PRKG1: variants seen among roughly 807,000 people sequenced by gnomAD.
PRKG1 encodes the protein cGMP-dependent protein kinase 1.
In PRKG1, 35 loss-of-function variants were observed where a neutral mutation model predicts 88.1. The ratio of observed to expected loss-of-function variants is 0.40; its 90% CI spans 0.30 to 0.53. PRKG1 has a LOEUF of 0.53. Ranked by LOEUF, PRKG1 falls within the 20% of genes least tolerant of loss-of-function variation. The pLI, the probability that PRKG1 is intolerant of heterozygous loss-of-function variation, is 0.59. For missense variants in PRKG1, 540 were observed against 839.8 expected, an observed-to-expected ratio of 0.64 and a Z score of 4.41; for synonymous variants, 303 against 292.5, an observed-to-expected ratio of 1.04 and a Z score of -0.37.
chr10:52,178,526 A>G (rs914895126), intron 9 of PRKG1, among the ~76,000 whole-genome samples: 30 of 151,988 alleles, frequency 2.0e-4, no homozygotes, highest in Non-Finnish European at 3.5e-4. Flanking sequence ...TCGATGGTGT[A>G]CTTTAAATCT....
intron 2 of PRKG1, among the ~76,000 whole-genome samples, chr10:51,211,942 TC>T (rs1297465944): frequency 6.6e-6 from 1 of 152,228 alleles, no homozygotes; most frequent in Non-Finnish European, 1.5e-5. Flanking sequence ...ACAATGACTT[TC>T]TTCACAGAAT....
At chr10:51,472,122 T>C (rs1276698575) in intron 3 of PRKG1, among the ~76,000 whole-genome samples, 1 of 151,898 alleles carries the variant, frequency 6.6e-6, no homozygotes, top group Non-Finnish European at 1.5e-5. Context: ...TAAGTTTACA[T>C]ACTTAAACTT....
chr10:51,055,577 CA>C (rs1006560670), intron 1 of PRKG1, among the ~76,000 whole-genome samples: 120 of 138,456 alleles, frequency 8.7e-4, no homozygotes, highest in Non-Finnish European at 8.2e-4. Flanking sequence ...ACTAAAAATA[CA>C]AAAAAAAAAA....
At chr10:51,572,558 A>G (rs535682581) in intron 3 of PRKG1, among the ~76,000 whole-genome samples, 2 of 152,054 alleles carry the variant, frequency 1.3e-5, no homozygotes, top group Admixed American at 1.3e-4. Flanking sequence ...GGATTAATTC[A>G]GTGATTCTAT....
At chr10:51,689,633 A>G (rs986649620) in intron 3 of PRKG1, among the ~76,000 whole-genome samples, 27 of 152,204 alleles carry the variant, frequency 1.8e-4, no homozygotes, top group Non-Finnish European at 2.1e-4. Context: ...CAAGATTATG[A>G]GAGAGAATTG....
chr10:51,910,162 G>A (rs1196353809), intron 5 of PRKG1: 2 of 152,258 alleles, frequency 1.3e-5, no homozygotes, highest in East Asian at 3.9e-4. Flanking sequence ...TGCAATAGGG[G>A]AAGGAGAATT....
intron 16 of PRKG1, among the ~76,000 whole-genome samples, chr10:52,290,005 A>G (rs1465809071): frequency 6.6e-6 from 1 of 152,218 alleles, no homozygotes; most frequent in Non-Finnish European, 1.5e-5. Context: ...TAAGTGTTGC[A>G]TGTTAATTGG....
rs190204473 is a variant in PRKG1 at position 52,003,196 on chromosome 10, C to A, written c.763-51288C>A. On this transcript the variant is annotated intron_variant, in intron 5 of 17. Transcript: ENST00000373980. ...TTTAAGAGATAGGATCTTGGCTGTG[C>A]CACTAATTAACTGGTGCCCTTAAGA... Among the ~76,000 whole-genome samples, 1,003 of 152,276 alleles carry A rather than the reference C, an allele frequency of 6.6e-3. 11 individuals are homozygous for A. The highest frequency in any genetic ancestry group is 0.023 in the African/African-American group (971 of 41,554).
At chr10:51,570,990 G>A (rs1407803836) in intron 3 of PRKG1, among the ~76,000 whole-genome samples, 1 of 151,868 alleles carries the variant, frequency 6.6e-6, no homozygotes, top group African/African-American at 2.4e-5. Flanking sequence ...TATAATTTAG[G>A]TTATACCACT....
intron 2 of PRKG1, among the ~76,000 whole-genome samples, chr10:51,237,693 T>C (rs1368597247): frequency 6.6e-6 from 1 of 152,230 alleles, no homozygotes; most frequent in Non-Finnish European, 1.5e-5. Flanking sequence ...GATAAAATGC[T>C]TGCCACAGTA....
intron 3 of PRKG1, among the ~76,000 whole-genome samples, chr10:51,765,855 C>A (rs910785499): frequency 1.4e-5 from 2 of 145,018 alleles, no homozygotes; most frequent in Non-Finnish European, 3.0e-5. Context: ...TATTAGTCAG[C>A]TCAGGCGGCC....
intron 1 of PRKG1, among the ~76,000 whole-genome samples, chr10:51,099,028 A>C (rs1377067899): frequency 6.6e-6 from 1 of 152,052 alleles, no homozygotes; most frequent in Non-Finnish European, 1.5e-5. Flanking sequence ...TCCTTGCTGC[A>C]CTCTGTGAAA....
At chr10:51,689,942 CATTT>C (rs2132388425) in intron 3 of PRKG1, among the ~76,000 whole-genome samples, 1 of 152,182 alleles carries the variant, frequency 6.6e-6, no homozygotes, top group East Asian at 1.9e-4. Flanking sequence ...TTCATTCTTG[CATTT>C]CTATAAAGAA....
intron 2 of PRKG1, among the ~76,000 whole-genome samples, chr10:51,467,050 G>T (rs1007387354): frequency 3.3e-5 from 5 of 151,940 alleles, no homozygotes; most frequent in Non-Finnish European, 5.9e-5. Flanking sequence ...TTACTTGCAG[G>T]TAACAATATA....
intron 1 of PRKG1, among the ~76,000 whole-genome samples, chr10:51,003,871 C>T (rs1350162582): frequency 1.3e-5 from 2 of 152,154 alleles, no homozygotes; most frequent in African/African-American, 4.8e-5. Context: ...AGTACCTAGG[C>T]TTCTTTCCAG....
At chr10:51,805,173 G>T (rs1326712457) in intron 4 of PRKG1, among the ~76,000 whole-genome samples, 1 of 151,990 alleles carries the variant, frequency 6.6e-6, no homozygotes, top group African/African-American at 2.4e-5. Flanking sequence ...AAAGTTCCAA[G>T]AAATAGCTTA....
At chr10:51,472,764 A>C (rs559186322) in intron 3 of PRKG1, among the ~76,000 whole-genome samples, 1 of 152,122 alleles carries the variant, frequency 6.6e-6, no homozygotes, top group East Asian at 1.9e-4. Context: ...TTTCATGAGC[A>C]CAAGTACCCA....
chr10:51,469,674 T>C (rs1839998689), intron 3 of PRKG1, among the ~76,000 whole-genome samples: 1 of 151,828 alleles, frequency 6.6e-6, no homozygotes, highest in Non-Finnish European at 1.5e-5. Context: ...CTAACTCTTT[T>C]GGGGTCAGAA....
intron 3 of PRKG1, among the ~76,000 whole-genome samples, chr10:51,770,552 C>T (rs1838277908): frequency 6.6e-6 from 1 of 152,160 alleles, no homozygotes; most frequent in South Asian, 2.1e-4. Context: ...CCGGACTGCA[C>T]AGAGGAGGTG....
Sources: gnomAD v4.1 joint callset for allele counts (sites outside exome capture counted in the v4.1 genomes callset) on GRCh38, gnomAD v4.1.1 for gene constraint, MANE v1.5 for transcripts, NCBI Gene and HGNC (gene_info 2026-07-23, HGNC 2026-07-21) for gene names.